APPBP2: variants seen among roughly 807,000 people sequenced by gnomAD.
The protein encoded by APPBP2 is amyloid beta precursor protein binding protein 2, also known as amyloid protein-binding protein 2.
In APPBP2, 15 loss-of-function variants were observed where a neutral mutation model predicts 76.0. The observed-to-expected ratio is 0.20, with a 90% CI of 0.13 to 0.30. The LOEUF is 0.30. Among genes scored for constraint, APPBP2 ranks in the 10% least tolerant of loss-of-function variants. The probability of loss-of-function intolerance (pLI) is 1.00; values close to 1 mark genes in which losing one functional copy is unlikely to be tolerated. For synonymous variants in APPBP2, 222 were observed against 242.2 expected, an observed-to-expected ratio of 0.92 and a Z score of 0.77; for missense variants, 401 against 687.2, an observed-to-expected ratio of 0.58 and a Z score of 4.66.
rs770076821 is a variant in APPBP2, at chr17:60,525,972, C to A, written c.-41G>T. 3.9e-6 allele frequency: 6 copies of A among 1,538,202 alleles called. No homozygotes were observed. The Admixed American group carries it at 9.8e-5, about 25-fold the overall frequency. ...CTCCGCCTCCTCCGCCTCCTCCTCC[C>A]GAAGGCCCCCACCTCCCTCCGTAGC... On this transcript the variant is annotated 5_prime_UTR_variant, in exon 1 of 13. Coordinates refer to ENST00000083182, the MANE Select transcript of APPBP2 (RefSeq NM_006380.5).
intron 1 of APPBP2, among the ~76,000 whole-genome samples, chr17:60,520,210 T>C (rs2090997304): frequency 6.6e-6 from 1 of 152,150 alleles, no homozygotes; most frequent in Non-Finnish European, 1.5e-5. Context: ...CTAATTAGTA[T>C]GGTTTTCAGC....
At chr17:60,516,190 CA>C (rs950005028) in intron 1 of APPBP2, among the ~76,000 whole-genome samples, 1 of 150,990 alleles carries the variant, frequency 6.6e-6, no homozygotes, top group Non-Finnish European at 1.5e-5. Flanking sequence ...AAAAAACAAA[CA>C]AAAAAAACCA....
intron 3 of APPBP2, among the ~76,000 whole-genome samples, chr17:60,488,937 T>C (rs2090703325): frequency 6.6e-6 from 1 of 152,176 alleles, no homozygotes; most frequent in Admixed American, 6.6e-5. Context: ...AAAAAATAAA[T>C]GCTGGCCAGG....
At chr17:60,456,530 A>T in intron 9 of APPBP2, 149 bp from the exon 10 acceptor site, 1 of 614,876 alleles carries the variant, frequency 1.6e-6, no homozygotes, top group South Asian at 2.0e-5. Context: ...TTAAATTTCC[A>T]ATCTGTTGTA....
intron 1 of APPBP2, among the ~76,000 whole-genome samples, chr17:60,511,094 A>G (rs1209060190): frequency 6.6e-6 from 1 of 152,176 alleles, no homozygotes; most frequent in Non-Finnish European, 1.5e-5. Context: ...CCACAGCACA[A>G]ATGGAAGTTC....
chr17:60,499,580 T>C (rs1271212986), intron 2 of APPBP2, among the ~76,000 whole-genome samples: 2 of 152,062 alleles, frequency 1.3e-5, no homozygotes. Context: ...CCAAAATAAC[T>C]GAAGGCAGGG....
intron 5 of APPBP2, among the ~76,000 whole-genome samples, chr17:60,465,567 T>C (rs761680596): frequency 2.6e-5 from 4 of 151,968 alleles, no homozygotes; most frequent in Non-Finnish European, 5.9e-5. Context: ...AATCCAAATG[T>C]AGAAGGAAAA....
Position 60,525,779 on chromosome 17 carries a change from G to A in APPBP2, c.138+15C>T, listed in dbSNP as rs1184117426. 3.1e-6 allele frequency: 5 copies of A among 1,613,656 alleles called. No individual in the cohort carries two copies. The highest frequency in any genetic ancestry group is 2.5e-6 in the Non-Finnish European group (3 of 1,179,850). ...GTTGCTGGAGGAGAGCAGAGAGGAGGCCCACGGCGCATACCTTGTAGTAAA... is the reference window on the plus strand; with the variant it reads ...GTTGCTGGAGGAGAGCAGAGAGGAGACCCACGGCGCATACCTTGTAGTAAA... On this transcript the variant is annotated intron_variant, in intron 1 of 12. Coordinates refer to ENST00000083182, the MANE Select transcript of APPBP2 (RefSeq NM_006380.5).
At chr17:60,471,343 G>A (rs1469337906) in intron 4 of APPBP2, among the ~76,000 whole-genome samples, 1 of 151,998 alleles carries the variant, frequency 6.6e-6, no homozygotes, top group Admixed American at 6.6e-5. Context: ...AAAGCTTCCA[G>A]TACAATGTTG....
chr17:60,504,735 C>A (rs578033364), intron 1 of APPBP2, among the ~76,000 whole-genome samples: 1 of 152,054 alleles, frequency 6.6e-6, no homozygotes, highest in African/African-American at 2.4e-5. Flanking sequence ...AGTCAGGAGG[C>A]GGAGGTTGCA....
intron 1 of APPBP2, among the ~76,000 whole-genome samples, chr17:60,519,606 T>A (rs1478670744): frequency 2.6e-5 from 4 of 151,240 alleles, no homozygotes; most frequent in African/African-American, 9.7e-5. Context: ...AAGGTTGCAG[T>A]GAGATATGAT....
chr17:60,450,580 G>A (rs2090387143), intron 12 of APPBP2, among the ~76,000 whole-genome samples: 2 of 151,798 alleles, frequency 1.3e-5, no homozygotes, highest in South Asian at 2.1e-4. Flanking sequence ...ATCAGCCTGG[G>A]CCAAGATTGT....
At position 60,494,504 on chromosome 17, in the gene APPBP2, G is replaced by T. The variant is rs1453375151; in HGVS notation, c.341C>A (p.Ala114Glu). ...AACCTGAATGGCTTTTTCCTTTACT[G>T]CAGCATCTGATTCTGCTATATAAGA... ...RCSYIAESDA[A>E]VKEKAIQVGF... The change falls in exon 3 of 13, where the codon GCA (alanine) becomes GAA (glutamate). Residue 114 changes from alanine to glutamate, a missense_variant. By Grantham distance (107) the Ala-to-Glu change is moderately radical. Coordinates refer to ENST00000083182, the MANE Select transcript of APPBP2 (RefSeq NM_006380.5). 1 of 1,610,132 alleles carries T rather than the reference G, an allele frequency of 6.2e-7. No homozygotes were observed. The highest frequency in any genetic ancestry group is 1.7e-5 in the Admixed American group (1 of 58,596).
chr17:60,501,999 G>C (rs1472000498), intron 1 of APPBP2, among the ~76,000 whole-genome samples: 4 of 152,184 alleles, frequency 2.6e-5, no homozygotes, highest in African/African-American at 4.8e-5. Flanking sequence ...TCATGTAATA[G>C]TTAGACATTT....
At position 60,522,758 on chromosome 17, in the gene APPBP2, G is replaced by A. The variant is rs1209214463; in HGVS notation, c.138+3036C>T. Among the ~76,000 whole-genome samples, 5 of 152,038 alleles carry A rather than the reference G, an allele frequency of 3.3e-5. No homozygotes were observed. The East Asian group carries it at 9.7e-4, about 29-fold the overall frequency. ...ACTCATCAACTCATGTTCCTGCTCA[G>A]GGACTTTGCTCCGTAACTTATTTCC... On this transcript the variant is annotated intron_variant, in intron 1 of 12. Coordinates refer to ENST00000083182, the MANE Select transcript of APPBP2 (RefSeq NM_006380.5).
intron 5 of APPBP2, among the ~76,000 whole-genome samples, chr17:60,465,680 T>A (rs1050478948): frequency 1.3e-5 from 2 of 151,940 alleles, no homozygotes; most frequent in African/African-American, 4.8e-5. Context: ...CCAGCGTGGG[T>A]GACAAAGCAA....
At chr17:60,493,591 T>A (rs1037322678) in intron 3 of APPBP2, among the ~76,000 whole-genome samples, 6 of 151,098 alleles carry the variant, frequency 4.0e-5, no homozygotes, top group African/African-American at 1.2e-4. Flanking sequence ...ACCTCAGCCT[T>A]CTAAAGTGCT....
intron 3 of APPBP2, among the ~76,000 whole-genome samples, chr17:60,490,625 G>T (rs1026551102): frequency 6.6e-6 from 1 of 152,180 alleles, no homozygotes; most frequent in Admixed American, 6.5e-5. Context: ...TATGATTGTT[G>T]ATATGGTTTG....
intron 3 of APPBP2, among the ~76,000 whole-genome samples, chr17:60,489,002 C>T (rs1213137941): frequency 6.6e-6 from 1 of 151,070 alleles, no homozygotes; most frequent in Non-Finnish European, 1.5e-5. Flanking sequence ...CTGGGTGGAT[C>T]ACGAAGTCAT....
Sources: gnomAD v4.1 joint callset for allele counts (sites outside exome capture counted in the v4.1 genomes callset) on GRCh38, gnomAD v4.1.1 for gene constraint, MANE v1.5 for transcripts, NCBI Gene and HGNC (gene_info 2026-07-23, HGNC 2026-07-21) for gene names.